VPS35L: variants seen among roughly 807,000 people sequenced by gnomAD.
VPS35L encodes the protein VPS35 endosomal protein sorting factor like, also known as VPS35 endosomal protein-sorting factor-like.
VPS35L carries 83 observed loss-of-function variants against 133.0 expected under a neutral mutation model. The observed-to-expected ratio is 0.62, with a 90% CI of 0.52 to 0.75. The LOEUF is 0.75. Among genes scored for constraint, VPS35L ranks in the 30% least tolerant of loss-of-function variants. The pLI is 0.00. For missense variants in VPS35L, 1,083 were observed against 1,206.8 expected (o/e 0.90, Z 1.52); for synonymous variants, 423 against 449.9 (o/e 0.94, Z 0.76).
intron 14 of VPS35L, among the ~76,000 whole-genome samples, chr16:19,624,792 G>A (rs1461051650): frequency 6.6e-6 from 1 of 152,136 alleles, no homozygotes; most frequent in African/African-American, 2.4e-5. Context: ...TCTTAACCCT[G>A]TCTGAGCTTT....
chr16:19,598,432 T>G (rs918421467), intron 8 of VPS35L, among the ~76,000 whole-genome samples: 1 of 152,192 alleles, frequency 6.6e-6, no homozygotes, highest in African/African-American at 2.4e-5. Context: ...GTCTACTAGC[T>G]TAATAGACAA....
intron 7 of VPS35L, among the ~76,000 whole-genome samples, chr16:19,584,336 T>C (rs1276182275): frequency 6.6e-6 from 1 of 152,136 alleles, no homozygotes. Context: ...GTGTAAGAGT[T>C]CCCTTTTCGG....
At chr16:19,602,391 A>G (rs182739101) in intron 9 of VPS35L, among the ~76,000 whole-genome samples, 47 of 152,128 alleles carry the variant, frequency 3.1e-4, no homozygotes, top group African/African-American at 1.1e-3. Context: ...TTGCCGCTCC[A>G]CTTCCCTCCG....
chr16:19,637,989 A>AG (rs1218839833), intron 20 of VPS35L, among the ~76,000 whole-genome samples: 1 of 152,218 alleles, frequency 6.6e-6, no homozygotes, highest in Non-Finnish European at 1.5e-5. Flanking sequence ...TGATTTTCAC[A>AG]GGGCACTTGC....
chr16:19,582,262 T>C (rs1375726864), intron 7 of VPS35L, among the ~76,000 whole-genome samples: 1 of 152,194 alleles, frequency 6.6e-6, no homozygotes, highest in African/African-American at 2.4e-5. Flanking sequence ...CTCAGCAAAA[T>C]GTGCTCAGAA....
intron 15 of VPS35L, among the ~76,000 whole-genome samples, chr16:19,627,020 G>A (rs545648793): frequency 2.6e-4 from 39 of 152,090 alleles, no homozygotes; most frequent in Middle Eastern, 3.4e-3. Context: ...AGTGGTGCAT[G>A]CCTATAATCC....
chr16:19,642,437 C>T lies in VPS35L; in HGVS notation c.1826C>T (p.Ala609Val). The part of the protein sequence containing the change: ...EPTKDPVILN[A>V]LLHVCKTMHD... ...ACCAAGGACCCGGTCATCTTGAATG[C>T]CCTTTTGCATGTTTGCAAGACCATG... The change falls in exon 22 of 31, where the codon GCC becomes GTC. Residue 609 changes from alanine (A) to valine (V), a missense_variant. By Grantham distance (64) the Ala-to-Val change is moderately conservative (BLOSUM62 0). Transcript: ENST00000417362. 2 of 1,613,802 alleles carry T rather than the reference C, an allele frequency of 1.2e-6. No individual in the cohort carries two copies. Among genetic ancestry groups the T allele is most frequent in the Non-Finnish European group, 1.7e-6 (2 of 1,179,804 alleles).
intron 8 of VPS35L, 98 bp from the exon 9 acceptor site, chr16:19,601,566 T>C (rs1972384770): frequency 5.8e-6 from 7 of 1,210,900 alleles, no homozygotes; most frequent in East Asian, 2.5e-5. Context: ...AAAGCCTGTC[T>C]GGGCGATGAT....
chr16:19,561,614 A>T (rs1005052035), intron 1 of VPS35L, among the ~76,000 whole-genome samples: 9 of 151,996 alleles, frequency 5.9e-5, no homozygotes, highest in Non-Finnish European at 1.2e-4. Context: ...TGAAGTTGGG[A>T]ATCTAAATGG....
intron 10 of VPS35L, chr16:19,608,585 A>G (rs376593533): frequency 2.6e-6 from 1 of 389,244 alleles, no homozygotes. Flanking sequence ...TGATTCCAAG[A>G]ACTTGAAAGA....
Position 19,610,333 on chromosome 16 carries a change from A to G in VPS35L, c.941A>G (p.Glu314Gly). Residue 314 changes from glutamate to glycine, a missense_variant, in exon 12 of 31, where the codon GAG becomes GGG. Glu to Gly is a moderately conservative substitution (Grantham distance 98). Coordinates refer to ENST00000417362, the MANE Select transcript of VPS35L (RefSeq NM_020314.7). ...NKFLSKTGIS[E>G]CLPRLTCMIR... ...TTTGTCTCTTGCAGGGGAATTTCAG[A>G]GTGCCTGCCCCGGTTGACATGCATG... 6.2e-7 allele frequency: 1 copy of G among 1,613,966 alleles called. No individual in the cohort carries two copies. The highest frequency in any genetic ancestry group is 8.5e-7 in the Non-Finnish European group (1 of 1,179,944).
chr16:19,578,674 C>T (rs11642738), intron 5 of VPS35L: 40,619 of 322,634 alleles, frequency 0.13, 2,889 homozygotes, highest in Middle Eastern at 0.16. Context: ...CACAATTCTA[C>T]GCTGTGAGTA....
intron 26 of VPS35L, 98 bp from the exon 27 acceptor site, chr16:19,669,062 A>G (rs1047488237): frequency 2.1e-5 from 28 of 1,320,254 alleles, no homozygotes; most frequent in South Asian, 1.4e-4. Context: ...CCTGGCTTCT[A>G]CCTAACTCTC....
rs768830249 is a variant in VPS35L at position 19,569,562 on chromosome 16, G to C, written c.256G>C (p.Ala86Pro). The C allele has an allele frequency of 6.3e-7, 1 of 1,577,760 alleles. No homozygotes were observed. The highest frequency in any genetic ancestry group is 8.6e-7 in the Non-Finnish European group (1 of 1,162,670). ...CCCCCTCTCCATGTTTGCAGCCACT[G>C]CTGACCCCGCAGCCTTGGCAGCTGC... Reference protein sequence around the residue: ...TDPLSMFAATADPAALAAAMD... With the variant: ...TDPLSMFAATPDPAALAAAMD... Residue 86 changes from alanine (A) to proline (P), a missense_variant, in exon 3 of 31, where the codon GCT becomes CCT. Physicochemically the swap from Ala to Pro is conservative, Grantham distance 27. Transcript: ENST00000417362.
At chr16:19,581,108 G>C (rs558315367) in intron 6 of VPS35L, among the ~76,000 whole-genome samples, 3 of 152,166 alleles carry the variant, frequency 2.0e-5, no homozygotes, top group Non-Finnish European at 1.5e-5. Context: ...TTATTGCTTG[G>C]GAATCTTGAG....
chr16:19,626,116 G>A, intron 14 of VPS35L, 61 bp from the exon 15 acceptor site: 2 of 1,112,730 alleles, frequency 1.8e-6, no homozygotes, highest in South Asian at 1.5e-5. Flanking sequence ...AAATCTCTTA[G>A]AAATGTTACT....
chr16:19,672,903 T>C (rs1280915422), intron 27 of VPS35L, among the ~76,000 whole-genome samples: 1 of 152,210 alleles, frequency 6.6e-6, no homozygotes, highest in Non-Finnish European at 1.5e-5. Flanking sequence ...GTAAAAGTCA[T>C]TGTTTATTGA....
intron 3 of VPS35L, among the ~76,000 whole-genome samples, chr16:19,570,827 T>A (rs1567388263): frequency 8.7e-6 from 1 of 115,596 alleles, no homozygotes; most frequent in Non-Finnish European, 1.9e-5. Flanking sequence ...CATCCTATGC[T>A]GTGTTTCATA....
intron 7 of VPS35L, 131 bp downstream of exon 7, chr16:19,581,784 T>G: frequency 9.2e-7 from 1 of 1,081,786 alleles, no homozygotes. Context: ...TTTCATATAC[T>G]TCCTGTGAAA....
Sources: gnomAD v4.1 joint callset for allele counts (sites outside exome capture counted in the v4.1 genomes callset) on GRCh38, gnomAD v4.1.1 for gene constraint, MANE v1.5 for transcripts, NCBI Gene and HGNC (gene_info 2026-07-23, HGNC 2026-07-21) for gene names.